ADGRB3: variants seen among roughly 807,000 people sequenced by gnomAD.
The protein encoded by ADGRB3 is adhesion G protein-coupled receptor B3.
In ADGRB3, 37 loss-of-function variants were observed where a neutral mutation model predicts 193.4. The observed-to-expected ratio is 0.19, with a 90% CI of 0.15 to 0.25. ADGRB3 has a LOEUF of 0.25. Ranked by LOEUF, ADGRB3 falls within the 10% of genes least tolerant of loss-of-function variation. The pLI is 1.00. For missense variants in ADGRB3, 1,637 were observed against 1,852.9 expected, an observed-to-expected ratio of 0.88 and a Z score of 2.14; for synonymous variants, 690 against 644.2, an observed-to-expected ratio of 1.07 and a Z score of -1.08.
intron 11 of ADGRB3, among the ~76,000 whole-genome samples, chr6:69,007,666 ATCTCTC>A (rs754438943): frequency 2.8e-5 from 4 of 140,630 alleles, no homozygotes; most frequent in Non-Finnish European, 4.6e-5. Context: ...ATCTAAAGTA[ATCTCTC>A]TCTCTCTCTC....
chr6:69,060,753 AC>A (rs1273701450), intron 15 of ADGRB3, among the ~76,000 whole-genome samples: 1 of 152,072 alleles, frequency 6.6e-6, no homozygotes, highest in Non-Finnish European at 1.5e-5. Context: ...AAAGGAACTT[AC>A]ATCTGTCTGT....
chr6:68,995,041 C>T lies in ADGRB3; in HGVS notation c.1929+1079C>T, dbSNP rs1042565384. 3.3e-5 allele frequency among the ~76,000 whole-genome samples: 5 copies of T among 152,188 alleles called. No individual in the cohort carries two copies. In the South Asian group the frequency reaches 8.3e-4, roughly 25 times the overall value. ...CATATACTGCTGAAAGAAACTGCTACGAGAATTATTGGTGCTGAATTCTAT... is the reference window on the plus strand; with the variant it reads ...CATATACTGCTGAAAGAAACTGCTATGAGAATTATTGGTGCTGAATTCTAT... On this transcript the variant is annotated intron_variant, in intron 11 of 31. Coordinates refer to ENST00000370598, the MANE Select transcript of ADGRB3 (RefSeq NM_001704.3).
At chr6:69,352,767 A>AGTTTT (rs3834303) in intron 26 of ADGRB3, among the ~76,000 whole-genome samples, 10 of 152,194 alleles carry the variant, frequency 6.6e-5, no homozygotes, top group African/African-American at 2.2e-4. Flanking sequence ...TAATAGGCTC[A>AGTTTT]GTTTTGTTTT....
intron 20 of ADGRB3, among the ~76,000 whole-genome samples, chr6:69,279,103 A>ATATATATATATG (rs1767368743): frequency 1.5e-5 from 2 of 134,776 alleles, no homozygotes; most frequent in Non-Finnish European, 3.2e-5. Context: ...ATATATATAT[A>ATATATATATATG]TATATATATA....
chr6:68,748,143 G>A (rs1766122243), intron 3 of ADGRB3, among the ~76,000 whole-genome samples: 1 of 152,078 alleles, frequency 6.6e-6, no homozygotes, highest in African/African-American at 2.4e-5. Flanking sequence ...AGATTTGGGT[G>A]GGGACACAGC....
chr6:68,678,528 C>G (rs776650625), intron 3 of ADGRB3, among the ~76,000 whole-genome samples: 4 of 152,060 alleles, frequency 2.6e-5, no homozygotes, highest in East Asian at 3.9e-4. Flanking sequence ...ATATAAAAGA[C>G]AGGTGGATAG....
chr6:68,854,412 T>C (rs1296837527), intron 3 of ADGRB3, among the ~76,000 whole-genome samples: 2 of 152,170 alleles, frequency 1.3e-5, no homozygotes, highest in Non-Finnish European at 2.9e-5. Context: ...ATGATAACTA[T>C]GTGAGATAAT....
rs146234141 is a variant in ADGRB3 at position 69,039,902 on chromosome 6, C to T, written c.2108-8283C>T. 1.2e-3 allele frequency among the ~76,000 whole-genome samples: 177 copies of T among 151,912 alleles called. 1 individual carries two copies. The East Asian group carries it at 0.03, about 26-fold the overall frequency. On this transcript the variant is annotated intron_variant, in intron 13 of 31. Transcript: ENST00000370598. Reference sequence around the variant, plus strand: ...GACTACAGGCGCGTGCCACCACACCCAGCTAATTTTTGTATTTTTAATAAA... The same window carrying T: ...GACTACAGGCGCGTGCCACCACACCTAGCTAATTTTTGTATTTTTAATAAA...
rs186664674 is a variant in ADGRB3, at chr6:68,841,820, G to A, written c.758-88739G>A. Reference sequence around the variant, plus strand: ...GTGGGAACTGAAAATTAAAACAATTGAACAAATGTAGATAGAAAATAGAAA... The same window carrying A: ...GTGGGAACTGAAAATTAAAACAATTAAACAAATGTAGATAGAAAATAGAAA... On this transcript the variant is annotated intron_variant, in intron 3 of 31. Coordinates refer to ENST00000370598, the MANE Select transcript of ADGRB3 (RefSeq NM_001704.3). 2.2e-3 allele frequency among the ~76,000 whole-genome samples: 335 copies of A among 152,136 alleles called. 3 individuals are homozygous for A. The highest frequency in any genetic ancestry group is 7.6e-3 in the African/African-American group (314 of 41,542).
At chr6:69,214,283 G>A (rs972782777) in intron 17 of ADGRB3, among the ~76,000 whole-genome samples, 1 of 152,112 alleles carries the variant, frequency 6.6e-6, no homozygotes, top group Non-Finnish European at 1.5e-5. Context: ...GCTACCCTGA[G>A]GCATCAGCTT....
chr6:69,341,248 T>G (rs778056656), intron 26 of ADGRB3, among the ~76,000 whole-genome samples: 5 of 152,170 alleles, frequency 3.3e-5, no homozygotes, highest in Non-Finnish European at 5.9e-5. Flanking sequence ...TAAAAGCCTT[T>G]TTATTTCTCC....
At chr6:68,767,305 A>T (rs1468914460) in intron 3 of ADGRB3, among the ~76,000 whole-genome samples, 1 of 152,164 alleles carries the variant, frequency 6.6e-6, no homozygotes, top group Non-Finnish European at 1.5e-5. Flanking sequence ...AATACTGGCA[A>T]GCCGAATCCA....
At chr6:69,081,860 G>A (rs966897844) in intron 17 of ADGRB3, among the ~76,000 whole-genome samples, 3 of 151,972 alleles carry the variant, frequency 2.0e-5, no homozygotes, top group Admixed American at 2.0e-4. Context: ...ATGTCCATTA[G>A]CGTGAGCTAT....
Position 69,049,354 on chromosome 6 carries a change from A to G in ADGRB3, c.2333+8A>G, listed in dbSNP as rs1771327651. ...AATTTTGCCCACTTTGAGGTAAGCT[A>G]CAAAGTAATAAACTGTTGTAATTTT... is the stretch of plus-strand genomic sequence containing the variant. On this transcript the variant is annotated splice_region_variant and intron_variant, in intron 15 of 31. Coordinates refer to ENST00000370598, the MANE Select transcript of ADGRB3 (RefSeq NM_001704.3). 6.3e-7 allele frequency: 1 copy of G among 1,583,522 alleles called. No individual in the cohort carries two copies. The highest frequency in any genetic ancestry group is 8.7e-7 in the Non-Finnish European group (1 of 1,156,000).
chr6:69,153,066 A>T (rs914686380), intron 17 of ADGRB3, among the ~76,000 whole-genome samples: 3 of 152,154 alleles, frequency 2.0e-5, no homozygotes, highest in African/African-American at 7.2e-5. Flanking sequence ...TTAATTTCAC[A>T]TGAAGCGTCC....
intron 3 of ADGRB3, among the ~76,000 whole-genome samples, chr6:68,903,929 T>C (rs926404299): frequency 6.9e-6 from 1 of 144,846 alleles, no homozygotes; most frequent in Non-Finnish European, 1.5e-5. Context: ...GCCCAGGAGG[T>C]TTAGGCTGCA....
chr6:68,837,930 C>T (rs966814907), intron 3 of ADGRB3, among the ~76,000 whole-genome samples: 2 of 152,050 alleles, frequency 1.3e-5, no homozygotes, highest in African/African-American at 4.8e-5. Flanking sequence ...ATAAGAAAGC[C>T]CATCAAAGTT....
chr6:68,865,627 T>A (rs1378961244), intron 3 of ADGRB3, among the ~76,000 whole-genome samples: 2 of 152,142 alleles, frequency 1.3e-5, no homozygotes, highest in Non-Finnish European at 2.9e-5. Flanking sequence ...CTTTATCTGG[T>A]GGACAGCTCT....
At chr6:68,724,957 T>C (rs1245396257) in intron 3 of ADGRB3, among the ~76,000 whole-genome samples, 1 of 151,700 alleles carries the variant, frequency 6.6e-6, no homozygotes, top group East Asian at 1.9e-4. Flanking sequence ...GTTTATAATC[T>C]GGTCTGTTTT....
Sources: allele counts gnomAD v4.1 joint callset (sites outside exome capture counted in the v4.1 genomes callset), GRCh38; gene constraint gnomAD v4.1.1; transcripts MANE v1.5; gene names NCBI Gene and HGNC (gene_info 2026-07-23, HGNC 2026-07-21).